The following CYB5RL variants were observed in gnomAD, a reference collection of about 807,000 sequenced individuals.
The protein encoded by CYB5RL is cytochrome b5 reductase like, also known as NADH-cytochrome b5 reductase-like.
A neutral mutation model predicts 37.5 loss-of-function variants in CYB5RL; 38 were observed. The ratio of observed to expected loss-of-function variants is 1.01; its 90% CI spans 0.78 to 1.33. CYB5RL has a LOEUF of 1.33. Among genes scored for constraint, CYB5RL ranks in the 40% most tolerant of loss-of-function variants. The probability of loss-of-function intolerance (pLI) is 0.00; values close to 1 mark genes in which losing one functional copy is unlikely to be tolerated. For missense variants in CYB5RL, 388 were observed against 394.4 expected (o/e 0.98, Z 0.14); for synonymous variants, 141 against 151.9 (o/e 0.93, Z 0.53).
At chr1:54,178,256 T>C (rs1660070884) in intron 7 of CYB5RL, among the ~76,000 whole-genome samples, 1 of 152,132 alleles carries the variant, frequency 6.6e-6, no homozygotes, top group South Asian at 2.1e-4. Flanking sequence ...AGTAAGTGTT[T>C]AGGGACTACA....
Position 54,191,180 on chromosome 1 carries a change from G to A in CYB5RL, c.199-284C>T, listed in dbSNP as rs192798140. Among the ~76,000 whole-genome samples, 350 of 152,176 alleles carry A rather than the reference G, an allele frequency of 2.3e-3. 1 individual carries two copies. The highest frequency in any genetic ancestry group is 8.1e-3 in the African/African-American group (336 of 41,530). ...CTGCCCACTCAAAGGCCCTGTGGACGACCCTCATGCCTCATTTTATCTCCC... is the reference window on the plus strand; with the variant it reads ...CTGCCCACTCAAAGGCCCTGTGGACAACCCTCATGCCTCATTTTATCTCCC... On this transcript the variant is annotated intron_variant, in intron 3 of 7. Transcript: ENST00000534324.
rs1659929902 is a variant in CYB5RL, at chr1:54,172,995, G to A, written c.*1624C>T. 6.6e-6 allele frequency: 1 copy of A among 152,196 alleles called. No homozygotes were observed. Among genetic ancestry groups the A allele is most frequent in the African/African-American group, 2.4e-5 (1 of 41,454 alleles). 9.4% of individuals were successfully genotyped at this position (152,196 alleles called of 1,614,324 possible). A position where few individuals can be genotyped will look rare whatever the true frequency, so the allele number is the denominator to read the frequency against. On this transcript the variant is annotated 3_prime_UTR_variant, in exon 8 of 8. Transcript: ENST00000534324. ...AGAAAAGTGTTCTATAGTTAAATAA[G>A]CTTGAAAAACTCTGGATTAAACAAA...
chr1:54,178,552 G>C (rs1339838769), intron 7 of CYB5RL, among the ~76,000 whole-genome samples: 1 of 152,174 alleles, frequency 6.6e-6, no homozygotes, highest in Non-Finnish European at 1.5e-5. Flanking sequence ...GAGGGAGGAG[G>C]GGTCAGCAGG....
chr1:54,192,852 T>G (rs950801290), intron 3 of CYB5RL, among the ~76,000 whole-genome samples: 4 of 152,036 alleles, frequency 2.6e-5, no homozygotes, highest in African/African-American at 9.7e-5. Flanking sequence ...ACCTCCTGGT[T>G]CAAACAATTC....
intron 3 of CYB5RL, among the ~76,000 whole-genome samples, chr1:54,194,951 G>A (rs1164898057): frequency 1.3e-5 from 2 of 152,228 alleles, no homozygotes; most frequent in Non-Finnish European, 2.9e-5. Context: ...TGAAGTCCCG[G>A]AGGAGTTAAG....
At chr1:54,174,920 A>G in intron 7 of CYB5RL, 98 bp from the exon 8 acceptor site, 1 of 1,342,764 alleles carries the variant, frequency 7.4e-7, no homozygotes, top group South Asian at 1.3e-5. Flanking sequence ...AAACCAAGGC[A>G]GAGGGTGTAG....
Position 54,171,835 on chromosome 1 carries a change from T to C in CYB5RL, c.*2784A>G. 1 of 235,542 alleles carries C rather than the reference T, an allele frequency of 4.2e-6. No individual in the cohort carries two copies. The highest frequency in any genetic ancestry group is 8.6e-6 in the Non-Finnish European group (1 of 116,608). The allele number at this position is 235,542 out of a possible 1,614,324, so 14.6% of individuals were successfully genotyped here. A position where few individuals can be genotyped will look rare whatever the true frequency, so the allele number is the denominator to read the frequency against. On this transcript the variant is annotated 3_prime_UTR_variant, in exon 8 of 8. Transcript: ENST00000534324. ...ACACCACACCCCACACTCTTCTTCT[T>C]GGGCTTGCTCAGCACCTTGTGGGGC... is the stretch of plus-strand genomic sequence containing the variant.
At position 54,190,760 on chromosome 1, in the gene CYB5RL, T is replaced by C. The variant is rs1487784815; in HGVS notation, c.335A>G (p.His112Arg). 6.4e-7 allele frequency: 1 copy of C among 1,553,642 alleles called. No individual in the cohort carries two copies. The highest frequency in any genetic ancestry group is 1.2e-5 in the South Asian group (1 of 84,146). ...NSQLGLRPGQ[H>R]LILRGIVDDL... ...TACCTGAGTGTACCGTAGGATGAGG[T>C]GCTGGCCGGGCCGCAGGCCAAGCTG... Residue 112 changes from histidine (H) to arginine (R), a missense_variant, in exon 4 of 8, where the codon CAC becomes CGC. Physicochemically the swap from His to Arg is conservative, Grantham distance 29. Transcript: ENST00000534324.
At chr1:54,195,281 T>C in intron 3 of CYB5RL, 138 bp downstream of exon 3, 2 of 1,053,570 alleles carry the variant, frequency 1.9e-6, no homozygotes, top group Non-Finnish European at 2.5e-6. Flanking sequence ...GCTTTGAGCC[T>C]AGATCTGTTT....
At chr1:54,197,381 T>C (rs1644018202) in intron 1 of CYB5RL, among the ~76,000 whole-genome samples, 1 of 145,922 alleles carries the variant, frequency 6.9e-6, no homozygotes, top group Admixed American at 7.1e-5. Flanking sequence ...TGGAGTACAG[T>C]AGCATGATCT....
At chr1:54,190,101 G>A (rs7528517) in intron 4 of CYB5RL, among the ~76,000 whole-genome samples, 142,881 of 152,152 alleles carry the variant, frequency 0.94, 67,378 homozygotes, top group East Asian at 1. Flanking sequence ...CTGGCAGACA[G>A]CTCTACCTGG....
At chr1:54,195,096 C>A (rs910334082) in intron 3 of CYB5RL, among the ~76,000 whole-genome samples, 1 of 152,234 alleles carries the variant, frequency 6.6e-6, no homozygotes, top group Non-Finnish European at 1.5e-5. Context: ...CAAATCCTCA[C>A]TATTTCACAG....
intron 7 of CYB5RL, among the ~76,000 whole-genome samples, 177 bp downstream of exon 7, chr1:54,178,972 C>T (rs975966752): frequency 5.3e-5 from 8 of 152,226 alleles, no homozygotes; most frequent in South Asian, 4.1e-4. Flanking sequence ...TGTGCATCTC[C>T]TCATCTGTAT....
At position 54,174,770 on chromosome 1, in the gene CYB5RL, C is replaced by T; in HGVS notation, c.797G>A (p.Gly266Asp). The part of the protein sequence containing the change: ...PWSYQEKTHF[G>D]HLGQDLIKEL... ...TTTAATTAGGTCCTGGCCCAGGTGG[C>T]CAAAGTGGGTTTTCTCTTGGTAACT... Residue 266 changes from glycine to aspartate, a missense_variant, in exon 8 of 8, where the codon GGC becomes GAC. By Grantham distance (94) the Gly-to-Asp change is moderately conservative. Transcript: ENST00000534324. The T allele has an allele frequency of 2.5e-6, 4 of 1,613,936 alleles. No individual in the cohort carries two copies. The highest frequency in any genetic ancestry group is 3.4e-6 in the Non-Finnish European group (4 of 1,179,870).
intron 5 of CYB5RL, among the ~76,000 whole-genome samples, chr1:54,186,632 C>A (rs1643900584): frequency 6.6e-6 from 1 of 152,134 alleles, no homozygotes; most frequent in Admixed American, 6.5e-5. Flanking sequence ...AGAAACACAC[C>A]CCGACAAGCA....
At chr1:54,185,708 C>A (rs1570109245) in intron 5 of CYB5RL, 1 of 152,294 alleles carries the variant, frequency 6.6e-6, no homozygotes, top group African/African-American at 2.4e-5. Context: ...TTTTCTGGCC[C>A]CTATCTAGGG....
intron 3 of CYB5RL, among the ~76,000 whole-genome samples, chr1:54,194,588 C>T (rs1408583309): frequency 6.6e-6 from 1 of 152,014 alleles, no homozygotes. Flanking sequence ...GCGGGAGGAT[C>T]ACTTGAGACC....
chr1:54,199,482 G>GC (rs1181741267), intron 1 of CYB5RL, among the ~76,000 whole-genome samples: 7 of 152,194 alleles, frequency 4.6e-5, no homozygotes, highest in African/African-American at 1.7e-4. Context: ...CGTTCTGTCT[G>GC]CATCTCCCAC....
Position 54,179,376 on chromosome 1 carries a change from T to C in CYB5RL, c.541-24A>G, listed in dbSNP as rs370425698. ...TACTGGGGAACAGAAGGGGTATGTA[T>C]GACAGGTGGGTTGGGAGAGTCTCAC... On this transcript the variant is annotated intron_variant, in intron 6 of 7. Coordinates refer to ENST00000534324, the MANE Select transcript of CYB5RL (RefSeq NM_001031672.4). 531 of 1,602,174 alleles carry C rather than the reference T, an allele frequency of 3.3e-4. 1 individual carries two copies. The highest frequency in any genetic ancestry group is 4.5e-4 in the South Asian group (40 of 89,742).
Sources: gnomAD v4.1 joint callset for allele counts (sites outside exome capture counted in the v4.1 genomes callset) on GRCh38, gnomAD v4.1.1 for gene constraint, MANE v1.5 for transcripts, NCBI Gene and HGNC (gene_info 2026-07-23, HGNC 2026-07-21) for gene names.